Variants in C10orf53 observed in about 807,000 individuals in gnomAD.
C10orf53 encodes the protein chromosome 10 open reading frame 53, also known as UPF0728 protein C10orf53.
Under a neutral mutation model 9.4 loss-of-function variants are expected in C10orf53, and 8 were observed. The ratio of observed to expected loss-of-function variants is 0.85; its 90% CI spans 0.50 to 1.53. The LOEUF is 1.53. Among genes scored for constraint, C10orf53 ranks in the 40% most tolerant of loss-of-function variants. The pLI is 0.00. For synonymous variants in C10orf53, 48 were observed against 46.0 expected, an observed-to-expected ratio of 1.04 and a Z score of -0.18; for missense variants, 117 against 117.8, an observed-to-expected ratio of 0.99 and a Z score of 0.03.
At position 49,688,698 on chromosome 10, in the gene C10orf53, G is replaced by A. The variant is rs547100078; in HGVS notation, c.98-5076G>A. Among the ~76,000 whole-genome samples the A allele has an allele frequency of 8.8e-5, 13 of 147,712 alleles. No individual in the cohort carries two copies. In the South Asian group the frequency reaches 2.8e-3, roughly 32 times the overall value. On this transcript the variant is annotated intron_variant, in intron 1 of 2. Transcript: ENST00000374111. ...GCTGCTGCAGCCACAGCCACCTCCT[G>A]CAGTCCTTCAATGATCCTAGCCAGC...
At chr10:49,703,340 A>G (rs545105561) in intron 2 of C10orf53, among the ~76,000 whole-genome samples, 17 of 152,318 alleles carry the variant, frequency 1.1e-4, no homozygotes, top group African/African-American at 4.1e-4. Context: ...GGCAGAAATT[A>G]TATCATATCA....
chr10:49,681,753 G>A (rs577094511), intron 1 of C10orf53, among the ~76,000 whole-genome samples: 1 of 152,224 alleles, frequency 6.6e-6, no homozygotes, highest in African/African-American at 2.4e-5. Flanking sequence ...GGGAGAGCGG[G>A]GAGCAAGCTC....
At chr10:49,688,061 C>G (rs1013876212) in intron 1 of C10orf53, among the ~76,000 whole-genome samples, 1 of 152,116 alleles carries the variant, frequency 6.6e-6, no homozygotes, top group African/African-American at 2.4e-5. Context: ...CATTTATATG[C>G]GATGAACTTC....
rs942237971 is a variant in C10orf53, at chr10:49,697,234, A to T, written c.*2632A>T. Among the ~76,000 whole-genome samples the T allele has an allele frequency of 1.3e-5, 2 of 152,128 alleles. No individual in the cohort carries two copies. The highest frequency in any genetic ancestry group is 4.8e-5 in the African/African-American group (2 of 41,406). On this transcript the variant is annotated 3_prime_UTR_variant, in exon 3 of 3. Coordinates refer to ENST00000374111, the MANE Select transcript of C10orf53 (RefSeq NM_001042427.3). ...ATTTTGACATAGAAGCCACCTGTCT[A>T]TGGCCTTATCCTCCTCTGTCACTGA...
At chr10:49,687,182 C>G (rs1188022973) in intron 1 of C10orf53, among the ~76,000 whole-genome samples, 3 of 152,204 alleles carry the variant, frequency 2.0e-5, no homozygotes, top group Non-Finnish European at 4.4e-5. Flanking sequence ...TTGGAGCTGT[C>G]TGCTCTGCTG....
In C10orf53 at chr10:49,708,995, C is replaced by T. The variant is rs143429749; in HGVS notation, c.*378C>T. The T allele has an allele frequency of 6.6e-4, 142 of 214,126 alleles. 1 individual carries two copies. In the East Asian group the frequency reaches 0.016, roughly 24 times the overall value. The allele number at this position is 214,126 out of a possible 1,614,324, so 13.3% of individuals were successfully genotyped here. ...CCAAGCTGTTTAACTGGATTCCTAT[C>T]TCGTTACTCTGTCTCCATTATCTCC... On this transcript the variant is annotated 3_prime_UTR_variant, in exon 3 of 3. Coordinates refer to the C10orf53 transcript ENST00000374112.
At chr10:49,685,866 GT>G (rs1351367695) in intron 1 of C10orf53, among the ~76,000 whole-genome samples, 3 of 152,198 alleles carry the variant, frequency 2.0e-5, no homozygotes, top group African/African-American at 7.2e-5. Context: ...GTATTTTCAT[GT>G]CTTTCATCAA....
At chr10:49,703,626 A>G (rs1449251483) in intron 2 of C10orf53, among the ~76,000 whole-genome samples, 1 of 152,176 alleles carries the variant, frequency 6.6e-6, no homozygotes, top group Non-Finnish European at 1.5e-5. Context: ...GGTCACCACT[A>G]AGGTCTTGTG....
At chr10:49,694,035 T>G in intron 2 of C10orf53, 142 bp downstream of exon 2, 10 of 1,151,602 alleles carry the variant, frequency 8.7e-6, no homozygotes, top group Non-Finnish European at 1.3e-5. Context: ...GAAAGCCCTG[T>G]GCTTTCAGTG....
chr10:49,687,020 C>T (rs1590640217), intron 1 of C10orf53, among the ~76,000 whole-genome samples: 1 of 152,220 alleles, frequency 6.6e-6, no homozygotes, highest in Non-Finnish European at 1.5e-5. Flanking sequence ...TGCCACAAAG[C>T]TTTCCTACCA....
intron 2 of C10orf53, among the ~76,000 whole-genome samples, chr10:49,707,952 G>A (rs1003198266): frequency 6.6e-5 from 10 of 151,830 alleles, no homozygotes; most frequent in African/African-American, 2.4e-4. Flanking sequence ...AAACATTAGT[G>A]CTTTATAAGA....
At chr10:49,685,144 G>GCA (rs1840515621) in intron 1 of C10orf53, among the ~76,000 whole-genome samples, 1 of 149,728 alleles carries the variant, frequency 6.7e-6, no homozygotes, top group Non-Finnish European at 1.5e-5. Flanking sequence ...ACACACACAC[G>GCA]CACACACACA....
At chr10:49,701,359 T>A (rs1210362900), downstream of C10orf53, among the ~76,000 whole-genome samples, 1 of 152,202 alleles carries the variant, frequency 6.6e-6, no homozygotes, top group African/African-American at 2.4e-5. Flanking sequence ...GGAAACTAGG[T>A]TGAGAACCAG....
intron 2 of C10orf53, among the ~76,000 whole-genome samples, chr10:49,703,875 A>G (rs1335030556): frequency 6.6e-6 from 1 of 152,262 alleles, no homozygotes; most frequent in Non-Finnish European, 1.5e-5. Flanking sequence ...GAACAATAGT[A>G]GCCAAAAATA....
intron 1 of C10orf53, among the ~76,000 whole-genome samples, chr10:49,690,836 C>T (rs747366552): frequency 2.0e-5 from 3 of 152,174 alleles, no homozygotes; most frequent in African/African-American, 7.2e-5. Context: ...TGTGTGTATG[C>T]CTCTGTGCTG....
intron 2 of C10orf53, among the ~76,000 whole-genome samples, chr10:49,707,115 T>C (rs1318774712): frequency 6.6e-6 from 1 of 151,238 alleles, no homozygotes; most frequent in African/African-American, 2.4e-5. Flanking sequence ...ATCAATGATC[T>C]AGCCTTGGTC....
chr10:49,698,895 G>A (rs1006919278), downstream of C10orf53, among the ~76,000 whole-genome samples: 4 of 152,120 alleles, frequency 2.6e-5, no homozygotes, highest in Admixed American at 1.3e-4. Context: ...ACAACAACAG[G>A]GTGGACAGCG....
chr10:49,698,957 G>A (rs982728625), downstream of C10orf53, among the ~76,000 whole-genome samples: 1 of 152,080 alleles, frequency 6.6e-6, no homozygotes, highest in Non-Finnish European at 1.5e-5. Flanking sequence ...CAGCGGTGGC[G>A]GCAGCTCAGC....
chr10:49,701,678 C>T (rs1210205050), downstream of C10orf53, among the ~76,000 whole-genome samples: 1 of 152,124 alleles, frequency 6.6e-6, no homozygotes, highest in African/African-American at 2.4e-5. Flanking sequence ...CCTTCAGGTC[C>T]CTTCTCACCT....
Sources: gnomAD v4.1 joint callset for allele counts (sites outside exome capture counted in the v4.1 genomes callset) on GRCh38, gnomAD v4.1.1 for gene constraint, MANE v1.5 for transcripts, NCBI Gene and HGNC (gene_info 2026-07-23, HGNC 2026-07-21) for gene names.